The following RPL3L variants were observed in gnomAD, a reference collection of about 807,000 sequenced individuals.
The protein encoded by RPL3L is ribosomal protein uL3-like.
A neutral mutation model predicts 44.5 loss-of-function variants in RPL3L; 44 were observed. The observed-to-expected ratio is 0.99, with a 90% CI of 0.78 to 1.27. RPL3L has a LOEUF of 1.27. Ranked by LOEUF, RPL3L falls within the 50% of genes most tolerant of loss-of-function variation. RPL3L has a pLI of 0.00. For synonymous variants in RPL3L, 292 were observed against 230.7 expected, an observed-to-expected ratio of 1.27 and a Z score of -2.41; for missense variants, 631 against 569.1, an observed-to-expected ratio of 1.11 and a Z score of -1.11.
Position 1,944,757 on chromosome 16 carries a change from A to C in RPL3L, c.*80T>G. The C allele has an allele frequency of 6.3e-7, 1 of 1,593,692 alleles. No homozygotes were observed. Among genetic ancestry groups the C allele is most frequent in the Non-Finnish European group, 8.6e-7 (1 of 1,161,956 alleles). On this transcript the variant is annotated 3_prime_UTR_variant, in exon 10 of 10. Transcript: ENST00000268661. ...GTTACACAGCGCTCTGAGACCTCGC[A>C]GGAAGAGTCGCCTCCGGCCTTTGTT...
chr16:1,946,066 A>C (rs1033154626), intron 7 of RPL3L, 136 bp from the exon 8 acceptor site: 2 of 672,162 alleles, frequency 3.0e-6, no homozygotes, highest in Admixed American at 2.8e-5. Flanking sequence ...TGTAGGGGTG[A>C]CTATCACGCC....
chr16:1,954,569 T>TG, intron 1 of RPL3L, 60 bp downstream of exon 1: 1 of 1,506,438 alleles, frequency 6.6e-7, no homozygotes, highest in Non-Finnish European at 8.9e-7. Context: ...AGCCCAGCTG[T>TG]CCCACCCCCC....
chr16:1,954,251 CTG>C, intron 1 of RPL3L, 103 bp from the exon 2 acceptor site: 6 of 1,234,400 alleles, frequency 4.9e-6, no homozygotes, highest in Non-Finnish European at 6.6e-6. Context: ...AGGCTTCAGA[CTG>C]AGGCCTGTGC....
At chr16:1,947,466 C>T (rs970881776) in intron 4 of RPL3L, 86 bp from the exon 5 acceptor site, 121 of 1,393,874 alleles carry the variant, frequency 8.7e-5, no homozygotes, top group Non-Finnish European at 1.1e-4. Context: ...TGACCCCTGC[C>T]GCCTTCCACG....
At chr16:1,949,264 T>TTTTTTTTTTTTTTTTTTTTCTTTTTC (rs2083151427) in intron 4 of RPL3L, among the ~76,000 whole-genome samples, 2 of 117,628 alleles carry the variant, frequency 1.7e-5, no homozygotes, top group South Asian at 2.8e-4. Flanking sequence ...TTTTTCTTTT[T>TTTTTTTTTTTTTTTTTTTTCTTTTTC]TTTTTTTTTT....
chr16:1,945,880 C>T lies in RPL3L; in HGVS notation c.1002G>A (p.Lys334=). The change falls in exon 8 of 10, where the codon AAG becomes AAA. Residue 334 remains lysine, a synonymous_variant. Coordinates refer to ENST00000268661, the MANE Select transcript of RPL3L (RefSeq NM_005061.3). ...GCTTCTTGGTACCAGCAATACAACCCTTCAGCATGACGAAGTCGTTGTTCA... is the reference window on the plus strand; with the variant it reads ...GCTTCTTGGTACCAGCAATACAACCTTTCAGCATGACGAAGTCGTTGTTCA... The part of the protein sequence containing the change: ...GEVNNDFVML[K]GCIAGTKKRV... 1.2e-6 allele frequency: 2 copies of T among 1,613,918 alleles called. No individual in the cohort carries two copies. Among genetic ancestry groups the T allele is most frequent in the Non-Finnish European group, 1.7e-6 (2 of 1,179,960 alleles).
intron 4 of RPL3L, among the ~76,000 whole-genome samples, chr16:1,948,799 T>C (rs2083145485): frequency 6.6e-6 from 1 of 151,974 alleles, no homozygotes. Flanking sequence ...CACTGCAAGC[T>C]CTGCCTCCTG....
chr16:1,944,838 T>G lies in RPL3L; in HGVS notation c.1223A>C (p.Ter408SerextTer6). 6.2e-7 allele frequency: 1 copy of G among 1,614,082 alleles called. No individual in the cohort carries two copies. Among genetic ancestry groups the G allele is most frequent in the East Asian group, 2.2e-5 (1 of 44,874 alleles). Residue 408 changes from the stop codon to serine (S), a stop_lost, in exon 10 of 10, where the codon TAG becomes TCG. Transcript: ENST00000268661. The part of the protein sequence containing the change: ...KETPETSGDL[*>S] ...CAGGGTTCATCCACCCCACACAGCC[T>G]ACAAGTCTCCCGAGGTCTCCGGCGT...
At chr16:1,944,931 T>C (rs1463702639) in intron 9 of RPL3L, 38 bp from the exon 10 acceptor site, 2 of 1,354,084 alleles carry the variant, frequency 1.5e-6, no homozygotes, top group Non-Finnish European at 2.0e-6. Context: ...CCTTAGTCAC[T>C]CTGGCCAGAA....
In RPL3L at chr16:1,950,129, CAGGTATGGACAGGGCAG is replaced by C. The variant is rs1567310858; in HGVS notation, c.501+698_501+714del. On this transcript the variant is annotated intron_variant, in intron 4 of 9. Coordinates refer to ENST00000268661, the MANE Select transcript of RPL3L (RefSeq NM_005061.3). Reference sequence around the variant, plus strand: ...ATGGACGGGGCAGGTATGTAGGGGGCAGGTATGGACAGGGCAGGTATGTATGGGGTGGGTATGTATGG... The same window carrying C: ...ATGGACGGGGCAGGTATGTAGGGGGCGTATGTATGGGGTGGGTATGTATGG... Among the ~76,000 whole-genome samples, 504 of 53,692 alleles carry C rather than the reference CAGGTATGGACAGGGCAG, an allele frequency of 9.4e-3. 2 individuals carry two copies. Among genetic ancestry groups the C allele is most frequent in the African/African-American group, 0.039 (441 of 11,418 alleles). The allele number at this position is 53,692 out of a possible 152,430, so 35.2% of individuals were successfully genotyped here.
rs539704726 is a variant in RPL3L at position 1,954,161 on chromosome 16, A to G, written c.4-13T>C. On this transcript the variant is annotated splice_polypyrimidine_tract_variant and intron_variant, in intron 1 of 9. Coordinates refer to ENST00000268661, the MANE Select transcript of RPL3L (RefSeq NM_005061.3). The stretch of plus-strand genomic sequence containing the variant: ...ACTTCCGGTGGGACTGGGGGGCAGG[A>G]AGGAAGGAGGTCAGACCTGGGGTGT... The G allele has an allele frequency of 5.6e-5, 88 of 1,558,734 alleles. 1 individual carries two copies. In the South Asian group the frequency reaches 8.2e-4, roughly 15 times the overall value.
rs200256172 is a variant in RPL3L at position 1,947,094 on chromosome 16, G to A, written c.693C>T (p.Val231=). ...AVTKGRGVKG[V]TSRWHTKKLP... ...GCTTCTTGGTATGCCAGCGGCTTGTGACCCCTGTGAGTGAGAGGGGCTGGT... is the reference window on the plus strand; with the variant it reads ...GCTTCTTGGTATGCCAGCGGCTTGTAACCCCTGTGAGTGAGAGGGGCTGGT... Residue 231 remains valine, a synonymous_variant, in exon 6 of 10, where the codon GTC becomes GTT. Transcript: ENST00000268661. 2 of 1,613,548 alleles carry A rather than the reference G, an allele frequency of 1.2e-6. No homozygotes were observed. Among genetic ancestry groups the A allele is most frequent in the East Asian group, 2.2e-5 (1 of 44,876 alleles).
At chr16:1,949,316 C>A (rs1238280614) in intron 4 of RPL3L, among the ~76,000 whole-genome samples, 1 of 118,518 alleles carries the variant, frequency 8.4e-6, no homozygotes, top group Non-Finnish European at 1.6e-5. Context: ...TGCCATGGTG[C>A]GATCTTGGCT....
intron 4 of RPL3L, among the ~76,000 whole-genome samples, chr16:1,950,352 G>T (rs1266800598): frequency 6.6e-6 from 1 of 152,002 alleles, no homozygotes; most frequent in South Asian, 2.1e-4. Context: ...GCGAGCAGCT[G>T]GGGGCAGTGT....
At chr16:1,945,671 G>C in intron 8 of RPL3L, 53 bp from the exon 9 acceptor site, 1 of 1,610,800 alleles carries the variant, frequency 6.2e-7, no homozygotes. Flanking sequence ...CCCACACCCT[G>C]CTGTGAACCT....
chr16:1,953,967 C>G lies in RPL3L; in HGVS notation c.185G>C (p.Arg62Pro), dbSNP rs767010403. ...CAACTGTGACTCACTGAGCCCCGGC[C>G]GGTGCACCTCCCGCAGGGTGTGGGT... ...GMTHTLREVH[R>P]PGLKISKREE... The change falls in exon 2 of 10, where the codon CGG becomes CCG. Residue 62 changes from arginine to proline, a missense_variant. Coordinates refer to ENST00000268661, the MANE Select transcript of RPL3L (RefSeq NM_005061.3). 2 of 1,541,870 alleles carry G rather than the reference C, an allele frequency of 1.3e-6. No individual in the cohort carries two copies. The highest frequency in any genetic ancestry group is 1.9e-5 in the Admixed American group (1 of 52,664).
At chr16:1,947,667 G>A (rs2083134401) in intron 4 of RPL3L, among the ~76,000 whole-genome samples, 1 of 152,202 alleles carries the variant, frequency 6.6e-6, no homozygotes, top group African/African-American at 2.4e-5. Flanking sequence ...GGGGGCTGGT[G>A]TTTCAGATAC....
chr16:1,948,351 G>A (rs1240302331), intron 4 of RPL3L, among the ~76,000 whole-genome samples: 1 of 151,952 alleles, frequency 6.6e-6, no homozygotes, highest in Non-Finnish European at 1.5e-5. Context: ...AGCTTCTTGA[G>A]TAACTGGGAT....
intron 6 of RPL3L, 38 bp downstream of exon 6, chr16:1,946,900 G>T: frequency 6.3e-7 from 1 of 1,575,322 alleles, no homozygotes; most frequent in South Asian, 1.1e-5. Context: ...GCTGGGGTCC[G>T]ACCACACAGT....
Sources: allele counts gnomAD v4.1 joint callset (sites outside exome capture counted in the v4.1 genomes callset), GRCh38; gene constraint gnomAD v4.1.1; transcripts MANE v1.5; gene names NCBI Gene and HGNC (gene_info 2026-07-23, HGNC 2026-07-21).